The following ABCA12 variants were observed in gnomAD, a reference collection of about 807,000 sequenced individuals.
The protein encoded by ABCA12 is glucosylceramide transporter ABCA12.
Under a neutral mutation model 293.5 loss-of-function variants are expected in ABCA12, and 156 were observed. That is an observed-to-expected ratio of 0.53 (90% CI 0.47 to 0.61). The LOEUF (loss-of-function observed/expected upper bound fraction) is 0.61, where lower values mean the gene tolerates loss of function less well. Ranked by LOEUF, ABCA12 falls within the 20% of genes least tolerant of loss-of-function variation. ABCA12 has a pLI of 0.00. For synonymous variants in ABCA12, 1,063 were observed against 1,108.0 expected (o/e 0.96, Z 0.81); for missense variants, 2,797 against 3,090.2 (o/e 0.91, Z 2.25).
chr2:215,138,412 T>C lies in ABCA12; in HGVS notation c.-204A>G. 4.9e-6 allele frequency: 3 copies of C among 608,108 alleles called. No individual in the cohort carries two copies. The highest frequency in any genetic ancestry group is 1.8e-5 in the African/African-American group (1 of 54,120). 37.7% of individuals were successfully genotyped at this position (608,108 alleles called of 1,614,324 possible). A position where few individuals can be genotyped will look rare whatever the true frequency, so the allele number is the denominator to read the frequency against. ...TGGTTAATCCTTAACCAAGAGGCAC[T>C]TCTCAATCAACTCTTCTTCCAAAAG... On this transcript the variant is annotated 5_prime_UTR_variant, in exon 1 of 53. Transcript: ENST00000272895.
At chr2:215,122,462 T>C (rs1235794239) in intron 1 of ABCA12, among the ~76,000 whole-genome samples, 3 of 152,254 alleles carry the variant, frequency 2.0e-5, no homozygotes, top group Non-Finnish European at 4.4e-5. Context: ...TTTTAATGCA[T>C]AGACAAACTT....
intron 2 of ABCA12, among the ~76,000 whole-genome samples, chr2:215,094,670 C>T (rs1268281885): frequency 6.6e-6 from 1 of 152,172 alleles, no homozygotes; most frequent in African/African-American, 2.4e-5. Context: ...AGACTCTCCT[C>T]CTAGCCCCTC....
chr2:215,040,798 G>C (rs1386386902), intron 7 of ABCA12, among the ~76,000 whole-genome samples: 16 of 151,230 alleles, frequency 1.1e-4, no homozygotes, highest in African/African-American at 2.7e-4. Flanking sequence ...GGCCACAGAG[G>C]GAGACTCCGT....
At chr2:215,058,191 A>T (rs1403830) in intron 3 of ABCA12, among the ~76,000 whole-genome samples, 97,429 of 151,802 alleles carry the variant, frequency 0.64, 31,906 homozygotes, top group African/African-American at 0.77. Flanking sequence ...TGTGGATAAT[A>T]CCCCTACCCC....
chr2:215,006,494 T>A (rs1339225945), intron 19 of ABCA12, among the ~76,000 whole-genome samples: 1 of 152,174 alleles, frequency 6.6e-6, no homozygotes, highest in Non-Finnish European at 1.5e-5. Flanking sequence ...TATGATAAAA[T>A]TTGGGTTGTA....
At position 215,075,379 on chromosome 2, in the gene ABCA12, G is replaced by A. The variant is rs1159032882; in HGVS notation, c.164-11160C>T. On this transcript the variant is annotated intron_variant, in intron 2 of 52. Coordinates refer to ENST00000272895, the MANE Select transcript of ABCA12 (RefSeq NM_173076.3). The stretch of plus-strand genomic sequence containing the variant: ...CAAATCTTTGCCCTTCTAGTAACCT[G>A]AGCTAACTTATGAGTTATTGCCCGG... 26 of 530,974 alleles carry A rather than the reference G, an allele frequency of 4.9e-5. No homozygotes were observed. The South Asian group carries it at 7.2e-4, about 15-fold the overall frequency. 32.9% of individuals were successfully genotyped at this position (530,974 alleles called of 1,614,324 possible).
rs1700147330 is a variant in ABCA12 at position 215,001,610 on chromosome 2, A to G, written c.2811T>C (p.Asp937=). The change falls in exon 21 of 53, where the codon GAT becomes GAC. Residue 937 remains aspartate, a synonymous_variant. Transcript: ENST00000272895. The part of the protein sequence containing the change: ...YDRIQAAKTI[D]EMEREAKRLY... Reference sequence around the variant, plus strand: ...GCCTTTTAGCCTCTCTCTCCATTTCATCTATGGTTTTTGCTGCCTGAATAC... The same window carrying G: ...GCCTTTTAGCCTCTCTCTCCATTTCGTCTATGGTTTTTGCTGCCTGAATAC... 4 of 1,613,784 alleles carry G rather than the reference A, an allele frequency of 2.5e-6. No individual in the cohort carries two copies. Among genetic ancestry groups the G allele is most frequent in the Non-Finnish European group, 2.5e-6 (3 of 1,179,818 alleles).
At chr2:214,943,387 C>A (rs1373734872) in intron 49 of ABCA12, among the ~76,000 whole-genome samples, 1 of 152,004 alleles carries the variant, frequency 6.6e-6, no homozygotes, top group Non-Finnish European at 1.5e-5. Flanking sequence ...TCAAGTGATC[C>A]TCCTGCCTTG....
chr2:215,018,008 C>T lies in ABCA12; in HGVS notation c.1782G>A (p.Glu594=), dbSNP rs376960143. The T allele has an allele frequency of 6.2e-7, 1 of 1,614,086 alleles. No homozygotes were observed. Among genetic ancestry groups the T allele is most frequent in the Non-Finnish European group, 8.5e-7 (1 of 1,180,006 alleles). The stretch of plus-strand genomic sequence containing the variant: ...TAAGTACAAACACATGACACCCCAC[C>T]TCAGCTCTATTATCAGGGATGGGAA... ...LAIPIPDNRA[E]IISQVFWLHS... The change falls in exon 14 of 53, where the codon GAG becomes GAA. Residue 594 remains glutamate, a splice_region_variant and synonymous_variant. Transcript: ENST00000272895.
intron 5 of ABCA12, among the ~76,000 whole-genome samples, chr2:215,051,375 T>C (rs928508097): frequency 5.3e-5 from 8 of 151,970 alleles, no homozygotes; most frequent in African/African-American, 1.7e-4. Context: ...AGTTGATGAG[T>C]GTGATGCCAT....
intron 2 of ABCA12, among the ~76,000 whole-genome samples, chr2:215,087,331 G>A (rs149653780): frequency 1.1e-3 from 171 of 152,238 alleles, no homozygotes; most frequent in African/African-American, 3.4e-3. Context: ...ATTGGAAAGC[G>A]CTGTCAAATA....
intron 2 of ABCA12, among the ~76,000 whole-genome samples, chr2:215,098,231 C>T (rs1425952429): frequency 2.0e-5 from 3 of 152,278 alleles, no homozygotes; most frequent in African/African-American, 4.8e-5. Context: ...CTGATCCACA[C>T]TTATCCCAGC....
chr2:214,941,734 G>T (rs1183627572), intron 50 of ABCA12, among the ~76,000 whole-genome samples: 1 of 150,582 alleles, frequency 6.6e-6, no homozygotes, highest in Non-Finnish European at 1.5e-5. Flanking sequence ...GATCTTTGTT[G>T]GTTTAAAGTC....
chr2:215,031,108 T>C (rs1316627757), intron 9 of ABCA12, among the ~76,000 whole-genome samples: 7 of 152,228 alleles, frequency 4.6e-5, no homozygotes, highest in African/African-American at 1.7e-4. Context: ...CTTCAGGATC[T>C]GCTTACATTA....
At chr2:215,018,974 C>G (rs1361130805) in intron 13 of ABCA12, among the ~76,000 whole-genome samples, 2 of 152,112 alleles carry the variant, frequency 1.3e-5, no homozygotes, top group Non-Finnish European at 2.9e-5. Context: ...AACAGTGCAT[C>G]CTTTTGGTTT....
At chr2:214,936,770 A>T (rs1481384549) in intron 51 of ABCA12, among the ~76,000 whole-genome samples, 3 of 152,146 alleles carry the variant, frequency 2.0e-5, no homozygotes, top group African/African-American at 7.2e-5. Context: ...AGGGGGACAA[A>T]CCAGATAATC....
intron 3 of ABCA12, among the ~76,000 whole-genome samples, chr2:215,057,459 C>T (rs999389217): frequency 1.1e-4 from 16 of 151,988 alleles, no homozygotes; most frequent in African/African-American, 3.1e-4. Context: ...ACTTCAAAAG[C>T]TCCGGATACC....
At chr2:215,023,943 C>T (rs1212231690) in intron 11 of ABCA12, among the ~76,000 whole-genome samples, 1 of 152,194 alleles carries the variant, frequency 6.6e-6, no homozygotes, top group African/African-American at 2.4e-5. Flanking sequence ...ACAAGGAAGT[C>T]AGGATCTAGG....
chr2:215,111,486 T>A (rs1318837145), intron 2 of ABCA12, 111 bp downstream of exon 2: 7 of 750,058 alleles, frequency 9.3e-6, no homozygotes, highest in Admixed American at 7.1e-5. Context: ...TCCTTCCAAG[T>A]GAAAACACTA....
Sources: allele counts gnomAD v4.1 joint callset (sites outside exome capture counted in the v4.1 genomes callset), GRCh38; gene constraint gnomAD v4.1.1; transcripts MANE v1.5; gene names NCBI Gene and HGNC (gene_info 2026-07-23, HGNC 2026-07-21).